Variants in SLC25A20 observed in about 807,000 individuals in gnomAD.
SLC25A20 encodes the protein solute carrier family 25 member 20, also known as mitochondrial carnitine/acylcarnitine carrier protein.
SLC25A20 carries 29 observed loss-of-function variants against 39.7 expected under a neutral mutation model. The ratio of observed to expected loss-of-function variants is 0.73; its 90% confidence interval spans 0.54 to 1.00. The LOEUF is 1.00. SLC25A20 is among the 50% of genes least tolerant of loss of function. The probability of loss-of-function intolerance (pLI) is 0.00; values close to 1 mark genes in which losing one functional copy is unlikely to be tolerated. For synonymous variants in SLC25A20, 103 were observed against 142.2 expected, an observed-to-expected ratio of 0.72 and a Z score of 1.96; for missense variants, 333 against 379.9, an observed-to-expected ratio of 0.88 and a Z score of 1.03.
At chr3:48,868,708 C>T (rs985637592) in intron 4 of SLC25A20, among the ~76,000 whole-genome samples, 2 of 152,152 alleles carry the variant, frequency 1.3e-5, no homozygotes, top group Non-Finnish European at 2.9e-5. Flanking sequence ...AGGAAAGGTC[C>T]TCTACTCCAG....
At chr3:48,898,008 C>CT (rs2083922097) in intron 1 of SLC25A20, among the ~76,000 whole-genome samples, 1 of 152,190 alleles carries the variant, frequency 6.6e-6, no homozygotes, top group African/African-American at 2.4e-5. Flanking sequence ...AACGTCCTCC[C>CT]TCCCAAGCCT....
At position 48,881,526 on chromosome 3, in the gene SLC25A20, G is replaced by A. The variant is rs1021896136; in HGVS notation, c.327-2078C>T. Among the ~76,000 whole-genome samples the A allele has an allele frequency of 3.9e-5, 6 of 152,050 alleles. No individual in the cohort carries two copies. In the East Asian group the frequency reaches 1.2e-3, roughly 29 times the overall value. ...CATCTTTGAGAGCTAGACTCTCCTG[G>A]ACTTCCACCCCAAGGCCCTGGTAAC... On this transcript the variant is annotated intron_variant, in intron 3 of 8. Transcript: ENST00000319017.
chr3:48,872,461 G>T (rs544504944), intron 4 of SLC25A20, among the ~76,000 whole-genome samples: 32 of 151,646 alleles, frequency 2.1e-4, no homozygotes, highest in African/African-American at 7.5e-4. Context: ...TGCAAACACA[G>T]TTCAGTGGAA....
At chr3:48,882,295 A>C (rs953795514) in intron 3 of SLC25A20, among the ~76,000 whole-genome samples, 2 of 152,240 alleles carry the variant, frequency 1.3e-5, no homozygotes, top group African/African-American at 4.8e-5. Flanking sequence ...TTAAAGGAAA[A>C]CACATTAACT....
chr3:48,898,624 G>C, intron 1 of SLC25A20, 66 bp downstream of exon 1: 1 of 1,438,066 alleles, frequency 7.0e-7, no homozygotes, highest in Non-Finnish European at 9.6e-7. Context: ...GCGCCTCGCG[G>C]GGGACCATGC....
intron 4 of SLC25A20, among the ~76,000 whole-genome samples, chr3:48,875,801 G>A (rs542711556): frequency 6.6e-5 from 10 of 152,162 alleles, no homozygotes; most frequent in African/African-American, 1.9e-4. Flanking sequence ...CAGATCGCTT[G>A]AGCTCAGGAG....
intron 2 of SLC25A20, among the ~76,000 whole-genome samples, chr3:48,886,812 C>G (rs1278639926): frequency 6.6e-6 from 1 of 152,068 alleles, no homozygotes; most frequent in Non-Finnish European, 1.5e-5. Context: ...AAGACCCCAT[C>G]TCAAAACCAT....
intron 2 of SLC25A20, among the ~76,000 whole-genome samples, chr3:48,885,299 T>C (rs1032712398): frequency 6.7e-6 from 1 of 149,676 alleles, no homozygotes; most frequent in African/African-American, 2.4e-5. Context: ...GTGAATTATG[T>C]GGTAACCAAT....
chr3:48,891,866 C>T, intron 2 of SLC25A20, 114 bp downstream of exon 2: 1 of 872,522 alleles, frequency 1.1e-6, no homozygotes. Flanking sequence ...GGAGCGGCAG[C>T]TGTGAGCTAG....
chr3:48,879,537 G>GA (rs138058320), intron 3 of SLC25A20, 89 bp from the exon 4 acceptor site: 41 of 880,456 alleles, frequency 4.7e-5, no homozygotes, highest in Admixed American at 2.3e-4. Context: ...AGTTTTGTAA[G>GA]AAAAAAAATA....
chr3:48,865,012 G>A (rs1456923232), intron 4 of SLC25A20, among the ~76,000 whole-genome samples: 1 of 152,126 alleles, frequency 6.6e-6, no homozygotes, highest in Non-Finnish European at 1.5e-5. Context: ...GAGTAGAGGA[G>A]GTACAGGGAA....
chr3:48,894,183 TTCTCTCTCTCTCTC>T (rs375593797), intron 1 of SLC25A20, among the ~76,000 whole-genome samples: 6 of 110,276 alleles, frequency 5.4e-5, no homozygotes, highest in African/African-American at 7.0e-5. Context: ...AAGAAGAAGA[TTCTCTCTCTCTCTC>T]TCTCTCTCTC....
At chr3:48,864,347 CAAAAAAAAAAAA>C (rs55843120) in intron 4 of SLC25A20, among the ~76,000 whole-genome samples, 49 of 48,090 alleles carry the variant, frequency 1.0e-3, no homozygotes, top group Middle Eastern at 0.026. Context: ...GACTCTGTCT[CAAAAAAAAAAAA>C]AAAAAAAAAA....
chr3:48,892,027 T>C lies in SLC25A20; in HGVS notation c.151A>G (p.Met51Val), dbSNP rs999921622. 4 of 1,614,040 alleles carry C rather than the reference T, an allele frequency of 2.5e-6. No homozygotes were observed. The highest frequency in any genetic ancestry group is 4.5e-5 in the East Asian group (2 of 44,872). ...AAACAGTCAAAGGTCCCAGAGTACA[T>C]GGGAGGTTGTCCAGGCAAACTCGGT... ...QPPSLPGQPPMYSGTFDCFRK... is the reference protein window; with the variant it reads ...QPPSLPGQPPVYSGTFDCFRK... Residue 51 changes from methionine (M) to valine (V), a missense_variant, in exon 2 of 9, where the codon ATG (methionine) becomes GTG (valine). Met to Val is a conservative substitution (Grantham distance 21). Transcript: ENST00000319017.
At chr3:48,859,041 C>T (rs775748746) in intron 7 of SLC25A20, 51 bp downstream of exon 7, 4 of 1,446,702 alleles carry the variant, frequency 2.8e-6, no homozygotes, top group African/African-American at 2.8e-5. Context: ...CAGGATTAGC[C>T]AGTGCTGGGG....
chr3:48,859,587 C>A lies in SLC25A20; in HGVS notation c.576G>T (p.Trp192Cys). ...CCTCCGGAGTGAAGATATTTTTCAGCCATTCATATGTCATGAAATACATTC... is the reference window on the plus strand; with the variant it reads ...CCTCCGGAGTGAAGATATTTTTCAGACATTCATATGTCATGAAATACATTC... ...ASGMYFMTYE[W>C]LKNIFTPEGK... Residue 192 changes from tryptophan (W) to cysteine (C), a missense_variant, in exon 6 of 9, where the codon TGG (tryptophan) becomes TGT (cysteine). By Grantham distance (215) the Trp-to-Cys change is radical (BLOSUM62 -2). Transcript: ENST00000319017. 6.2e-7 allele frequency: 1 copy of A among 1,614,044 alleles called. No individual in the cohort carries two copies. Among genetic ancestry groups the A allele is most frequent in the Non-Finnish European group, 8.5e-7 (1 of 1,179,926 alleles).
Position 48,859,203 on chromosome 3 carries a change from T to C in SLC25A20, c.609-2A>G, listed in dbSNP as rs759721683. 6.2e-7 allele frequency: 1 copy of C among 1,612,894 alleles called. No individual in the cohort carries two copies. Among genetic ancestry groups the C allele is most frequent in the Non-Finnish European group, 8.5e-7 (1 of 1,179,086 alleles). ...CGAGGGGCACTGAGCTCACTGACCC[T>C]GTATAACACCAACCACAGCCCCAGT... On this transcript the variant is annotated splice_acceptor_variant, in intron 6 of 8. Coordinates refer to ENST00000319017, the MANE Select transcript of SLC25A20 (RefSeq NM_000387.6). LOFTEE classifies it high-confidence loss of function.
At chr3:48,884,211 C>G (rs1333998472) in intron 2 of SLC25A20, 87 bp from the exon 3 acceptor site, 24 of 1,555,726 alleles carry the variant, frequency 1.5e-5, no homozygotes, top group Middle Eastern at 3.4e-4. Context: ...GTCCTCCAAA[C>G]TGTGGCTTCC....
intron 5 of SLC25A20, among the ~76,000 whole-genome samples, chr3:48,861,822 T>G (rs1400982434): frequency 6.7e-6 from 1 of 150,362 alleles, no homozygotes; most frequent in South Asian, 2.1e-4. Flanking sequence ...AGGTCAGGAG[T>G]TTGAGACCAG....
Sources: allele counts gnomAD v4.1 joint callset (sites outside exome capture counted in the v4.1 genomes callset), GRCh38; gene constraint gnomAD v4.1.1; transcripts MANE v1.5; gene names NCBI Gene and HGNC (gene_info 2026-07-23, HGNC 2026-07-21).